MAML3: variants seen among roughly 807,000 people sequenced by gnomAD.
MAML3 encodes mastermind-like protein 3.
In MAML3, 27 loss-of-function variants were observed where a neutral mutation model predicts 101.9. The ratio of observed to expected loss-of-function variants is 0.27; its 90% CI spans 0.20 to 0.37. The LOEUF is 0.37. Among genes scored for constraint, MAML3 ranks in the 10% least tolerant of loss-of-function variants. MAML3 has a pLI of 1.00. For synonymous variants in MAML3, 501 were observed against 555.9 expected, an observed-to-expected ratio of 0.90 and a Z score of 1.39; for missense variants, 1,316 against 1,444.9, an observed-to-expected ratio of 0.91 and a Z score of 1.45.
chr4:140,054,411 TA>T (rs1466922780), intron 1 of MAML3, among the ~76,000 whole-genome samples: 3 of 151,562 alleles, frequency 2.0e-5, no homozygotes, highest in Non-Finnish European at 4.4e-5. Flanking sequence ...AGAAAAACAG[TA>T]ACATAAGACT....
chr4:139,919,328 G>T (rs1426217480), intron 1 of MAML3, among the ~76,000 whole-genome samples: 1 of 152,164 alleles, frequency 6.6e-6, no homozygotes, highest in East Asian at 1.9e-4. Flanking sequence ...TTTATTCATG[G>T]CAAATGCCTT....
chr4:140,053,857 C>G (rs1420429297), intron 1 of MAML3, among the ~76,000 whole-genome samples: 1 of 152,144 alleles, frequency 6.6e-6, no homozygotes, highest in Non-Finnish European at 1.5e-5. Flanking sequence ...TCTTTTCAAC[C>G]ATTTAAACTT....
At chr4:139,725,348 T>C (rs1442299318) in intron 4 of MAML3, among the ~76,000 whole-genome samples, 1 of 152,194 alleles carries the variant, frequency 6.6e-6, no homozygotes, top group Non-Finnish European at 1.5e-5. Context: ...TGGCACAAGA[T>C]TTTTGCCCCT....
chr4:139,780,971 A>C (rs1003087240), intron 2 of MAML3, among the ~76,000 whole-genome samples: 1 of 152,048 alleles, frequency 6.6e-6, no homozygotes, highest in Admixed American at 6.6e-5. Context: ...ACAGGCTCTG[A>C]TAATTCCCCT....
At chr4:139,915,744 G>A (rs1374994194) in intron 1 of MAML3, among the ~76,000 whole-genome samples, 1 of 152,160 alleles carries the variant, frequency 6.6e-6, no homozygotes, top group Admixed American at 6.5e-5. Flanking sequence ...CTTATATGGA[G>A]TGGGGGTTCA....
chr4:140,120,830 G>A (rs1728595725), intron 1 of MAML3, among the ~76,000 whole-genome samples: 1 of 152,074 alleles, frequency 6.6e-6, no homozygotes, highest in South Asian at 2.1e-4. Flanking sequence ...AGTAACGTTC[G>A]GTTCACAACT....
chr4:140,151,456 C>T (rs1006977035), intron 1 of MAML3, among the ~76,000 whole-genome samples: 5 of 152,058 alleles, frequency 3.3e-5, no homozygotes, highest in Non-Finnish European at 1.5e-5. Context: ...CACCGAGCGC[C>T]GGCCCGAGCC....
chr4:139,745,546 G>C (rs1014662736), intron 2 of MAML3, among the ~76,000 whole-genome samples: 2 of 152,092 alleles, frequency 1.3e-5, no homozygotes, highest in Admixed American at 6.5e-5. Context: ...GCAAGAATAA[G>C]AATTCTCATG....
Position 139,967,962 on chromosome 4 carries a change from CAAA to C in MAML3, c.469-76998_469-76996del, listed in dbSNP as rs200126630. Among the ~76,000 whole-genome samples, 206 of 102,906 alleles carry C rather than the reference CAAA, an allele frequency of 2.0e-3. 3 individuals are homozygous for C. Among genetic ancestry groups the C allele is most frequent in the East Asian group, 5.2e-3 (22 of 4,254 alleles). 67.5% of individuals were successfully genotyped at this position (102,906 alleles called of 152,430 possible). A position where few individuals can be genotyped will look rare whatever the true frequency, so the allele number is the denominator to read the frequency against. On this transcript the variant is annotated intron_variant, in intron 1 of 4. Coordinates refer to ENST00000509479, the MANE Select transcript of MAML3 (RefSeq NM_018717.5). The stretch of plus-strand genomic sequence containing the variant: ...ATCTGTGAAAAGTGAGACCCTGTCT[CAAA>C]AAAAAAAAAAAAAAAGAGAAAAGAA...
intron 2 of MAML3, among the ~76,000 whole-genome samples, chr4:139,819,238 G>A (rs931118703): frequency 7.0e-4 from 107 of 152,296 alleles, no homozygotes; most frequent in African/African-American, 2.4e-3. Context: ...CAGTCCAGGA[G>A]GAGGGAGCTT....
At chr4:139,734,732 C>T (rs745603194) in intron 2 of MAML3, among the ~76,000 whole-genome samples, 2 of 152,204 alleles carry the variant, frequency 1.3e-5, no homozygotes, top group African/African-American at 2.4e-5. Context: ...TAAATCTGTG[C>T]GTAGGGAAGC....
rs749092099 is a variant in MAML3, at chr4:139,719,839, G to A, written c.2901C>T (p.Ser967=). 1.1e-5 allele frequency: 18 copies of A among 1,613,632 alleles called. No individual in the cohort carries two copies. The South Asian group carries it at 1.8e-4, about 16-fold the overall frequency. ...TAGTCCTCCCAGGCATGCCCTGCAA[G>A]CTCCTCTGTTGCCAGCTTTGTGCTC... ...QQGAQSWQQR[S]LQGMPGRTSG... The change falls in exon 5 of 5, where the codon AGC becomes AGT. Residue 967 remains serine (S), a synonymous_variant. Coordinates refer to ENST00000509479, the MANE Select transcript of MAML3 (RefSeq NM_018717.5).
At chr4:139,965,095 T>C (rs1421395708) in intron 1 of MAML3, among the ~76,000 whole-genome samples, 1 of 152,196 alleles carries the variant, frequency 6.6e-6, no homozygotes, top group Admixed American at 6.5e-5. Flanking sequence ...GGGGTAAAAG[T>C]ATTCTACAAT....
chr4:139,923,855 G>C (rs1236695967), intron 1 of MAML3, among the ~76,000 whole-genome samples: 1 of 152,040 alleles, frequency 6.6e-6, no homozygotes, highest in Non-Finnish European at 1.5e-5. Flanking sequence ...TTGATTACTG[G>C]CTACCCTTAT....
intron 2 of MAML3, among the ~76,000 whole-genome samples, chr4:139,795,089 C>T (rs1259889936): frequency 6.6e-6 from 1 of 152,172 alleles, no homozygotes; most frequent in Non-Finnish European, 1.5e-5. Context: ...TGAGAAGGCA[C>T]AGCTGAAGCG....
rs1186440201 is a variant in MAML3, at chr4:139,785,250, T to A, written c.2080-54583A>T. The stretch of plus-strand genomic sequence containing the variant: ...CTGGGTCCTCCCACACGGTGCCGGA[T>A]CCTGATACCAAGACCGAGGACATGG... On this transcript the variant is annotated intron_variant, in intron 2 of 4. Coordinates refer to ENST00000509479, the MANE Select transcript of MAML3 (RefSeq NM_018717.5). The surrounding 1 kb of genome is among the most constrained non-coding windows in gnomAD (Gnocchi z 4.3). Among the ~76,000 whole-genome samples, 1 of 152,180 alleles carries A rather than the reference T, an allele frequency of 6.6e-6. No homozygotes were observed. The highest frequency in any genetic ancestry group is 2.4e-5 in the African/African-American group (1 of 41,418).
At chr4:139,945,107 C>T (rs918705017) in intron 1 of MAML3, among the ~76,000 whole-genome samples, 2 of 152,228 alleles carry the variant, frequency 1.3e-5, no homozygotes, top group Non-Finnish European at 1.5e-5. Context: ...CCCTAACCCT[C>T]CAAGGCAGTT....
chr4:140,122,249 T>C (rs1487008002), intron 1 of MAML3, among the ~76,000 whole-genome samples: 1 of 147,236 alleles, frequency 6.8e-6, no homozygotes, highest in African/African-American at 2.5e-5. Flanking sequence ...TAAACAGAGT[T>C]TCGCTTTTGT....
At chr4:140,058,382 G>A (rs867977035) in intron 1 of MAML3, among the ~76,000 whole-genome samples, 36 of 151,906 alleles carry the variant, frequency 2.4e-4, no homozygotes, top group Middle Eastern at 3.4e-3. Flanking sequence ...ATGAGCCACC[G>A]TGCCTAGCCC....
Sources: gnomAD v4.1 joint callset for allele counts (sites outside exome capture counted in the v4.1 genomes callset) on GRCh38, gnomAD v4.1.1 for gene constraint, Gnocchi (gnomAD v3.1) non-coding constraint, MANE v1.5 for transcripts, NCBI Gene and HGNC (gene_info 2026-07-23, HGNC 2026-07-21) for gene names.